The following AACS variants were observed in gnomAD, a reference collection of about 807,000 sequenced individuals.
AACS encodes acetoacetyl-CoA synthetase, also known as acetoacetate-CoA ligase.
A neutral mutation model predicts 83.1 loss-of-function variants in AACS; 69 were observed. The observed-to-expected ratio is 0.83, with a 90% CI of 0.68 to 1.01. The LOEUF is 1.01. Among genes scored for constraint, AACS ranks in the 50% least tolerant of loss-of-function variants. AACS has a pLI of 0.00. For missense variants in AACS, 866 were observed against 882.2 expected (o/e 0.98, Z 0.23); for synonymous variants, 333 against 343.4 (o/e 0.97, Z 0.33).
chr12:125,122,811 T>C (rs1362819311), intron 10 of AACS: 3 of 152,142 alleles, frequency 2.0e-5, no homozygotes, highest in Non-Finnish European at 2.9e-5. Flanking sequence ...AACAGGGCTC[T>C]GGGCAGTCTC....
At chr12:125,115,419 C>T (rs979594264) in intron 9 of AACS, among the ~76,000 whole-genome samples, 7 of 152,094 alleles carry the variant, frequency 4.6e-5, no homozygotes, top group Non-Finnish European at 1.0e-4. Context: ...CACCACCACG[C>T]CCAGCTAATT....
chr12:125,134,223 C>T, intron 15 of AACS, 151 bp downstream of exon 15: 5 of 817,666 alleles, frequency 6.1e-6, no homozygotes, highest in Non-Finnish European at 9.5e-6. Flanking sequence ...CCACCCACAC[C>T]TCTGCTGGTG....
In AACS at chr12:125,107,674, C is replaced by T. The variant is rs142834783; in HGVS notation, c.915+406C>T. Among the ~76,000 whole-genome samples the T allele has an allele frequency of 2.2e-4, 34 of 152,296 alleles. No homozygotes were observed. In the South Asian group the frequency reaches 6.4e-3, roughly 29 times the overall value. ...AATAGACAAGAATAGATAATATTAG[C>T]GCAGTGCCAGACGCAATGGCCCACA... On this transcript the variant is annotated intron_variant, in intron 8 of 17. Coordinates refer to ENST00000316519, the MANE Select transcript of AACS (RefSeq NM_023928.5).
intron 14 of AACS, among the ~76,000 whole-genome samples, chr12:125,133,196 G>A (rs1432451910): frequency 1.3e-5 from 2 of 152,214 alleles, no homozygotes; most frequent in East Asian, 1.9e-4. Flanking sequence ...GAGGCCCCCA[G>A]CTGGTTAACT....
Position 125,109,522 on chromosome 12 carries a change from C to T in AACS, c.915+2254C>T, listed in dbSNP as rs140306485. Among the ~76,000 whole-genome samples the T allele has an allele frequency of 3.9e-4, 60 of 152,308 alleles. 1 individual carries two copies. The East Asian group carries it at 0.01, about 26-fold the overall frequency. ...CTTTTTGTTGAACCAGTTGAGAGTACGTTGGAGCCACAATGATCTTTCACT... is the reference window on the plus strand; with the variant it reads ...CTTTTTGTTGAACCAGTTGAGAGTATGTTGGAGCCACAATGATCTTTCACT... On this transcript the variant is annotated intron_variant, in intron 8 of 17. Transcript: ENST00000316519.
Position 125,117,413 on chromosome 12 carries a change from CA to C in AACS, c.997-1214del, listed in dbSNP as rs1252793019. On this transcript the variant is annotated intron_variant, in intron 9 of 17. Transcript: ENST00000316519. Reference sequence around the variant, plus strand: ...TAGGTGACACAGTGAGACTCCGTCTCAAAAAAAAAAAAAATGTTTCTCCATA... The same window carrying C: ...TAGGTGACACAGTGAGACTCCGTCTCAAAAAAAAAAAAATGTTTCTCCATA... Among the ~76,000 whole-genome samples, 526 of 137,668 alleles carry C rather than the reference CA, an allele frequency of 3.8e-3. 1 individual carries two copies. The highest frequency in any genetic ancestry group is 7.3e-3 in the African/African-American group (277 of 37,822). 90.3% of individuals were successfully genotyped at this position (137,668 alleles called of 152,430 possible). A position where few individuals can be genotyped will look rare whatever the true frequency, so the allele number is the denominator to read the frequency against.
chr12:125,114,397 G>A (rs1957013070), intron 8 of AACS, 80 bp from the exon 9 acceptor site: 2 of 1,174,972 alleles, frequency 1.7e-6, no homozygotes, highest in Non-Finnish European at 2.5e-6. Context: ...CAGCGTCTGA[G>A]CAGCGCGTGG....
intron 10 of AACS, chr12:125,123,645 C>T (rs572531928): frequency 6.6e-6 from 1 of 152,420 alleles, no homozygotes; most frequent in East Asian, 1.9e-4. Context: ...TGGCTTCAGA[C>T]AGCGAATGCT....
At chr12:125,104,407 A>G (rs1028437147) in intron 7 of AACS, among the ~76,000 whole-genome samples, 1 of 152,190 alleles carries the variant, frequency 6.6e-6, no homozygotes, top group African/African-American at 2.4e-5. Context: ...GGGGCACCAC[A>G]AGGTACAAAT....
At chr12:125,134,186 C>A in intron 15 of AACS, 114 bp downstream of exon 15, 1 of 1,130,696 alleles carries the variant, frequency 8.8e-7, no homozygotes, top group Non-Finnish European at 1.3e-6. Context: ...GGGCACCTCA[C>A]TCCACTCCAG....
At chr12:125,089,454 G>C (rs1207230826) in intron 4 of AACS, among the ~76,000 whole-genome samples, 1 of 152,106 alleles carries the variant, frequency 6.6e-6, no homozygotes, top group African/African-American at 2.4e-5. Context: ...CTACTGTACA[G>C]GTCCTTTCCT....
chr12:125,142,492 G>T lies in AACS; in HGVS notation c.*263G>T. 2.0e-6 allele frequency: 1 copy of T among 492,408 alleles called. No individual in the cohort carries two copies. The allele number at this position is 492,408 out of a possible 1,614,324, so 30.5% of individuals were successfully genotyped here. On this transcript the variant is annotated 3_prime_UTR_variant, in exon 18 of 18. Coordinates refer to ENST00000316519, the MANE Select transcript of AACS (RefSeq NM_023928.5). ...CACTGTGGTGAGAGTGTGTGTCTTT[G>T]CACACACAGTGCAGCGGGAACGGTG...
intron 5 of AACS, chr12:125,101,744 A>C (rs1419946279): frequency 6.7e-6 from 1 of 149,412 alleles, no homozygotes. Context: ...TCTCAGATAT[A>C]AGTTGTGCTT....
Position 125,091,549 on chromosome 12 carries a change from G to T in AACS, c.570+26G>T, listed in dbSNP as rs777619419. 1.9e-6 allele frequency: 3 copies of T among 1,610,840 alleles called. 1 individual carries two copies. In the South Asian group the frequency reaches 3.3e-5, roughly 18 times the overall value. ...GTGAGTCAGGGTCTGTGACAGAGGG[G>T]GCACCCCTTGCCCTGTGAGCATCCT... On this transcript the variant is annotated intron_variant, in intron 5 of 17. Coordinates refer to ENST00000316519, the MANE Select transcript of AACS (RefSeq NM_023928.5).
chr12:125,079,548 AT>A (rs376702569), intron 3 of AACS, among the ~76,000 whole-genome samples: 49 of 148,464 alleles, frequency 3.3e-4, no homozygotes, highest in Non-Finnish European at 4.9e-4. Context: ...TGTCCGGCTA[AT>A]TTTTTTTTTT....
chr12:125,086,069 G>C (rs751393823), intron 3 of AACS, among the ~76,000 whole-genome samples: 10 of 152,216 alleles, frequency 6.6e-5, no homozygotes, highest in East Asian at 3.8e-4. Context: ...GAGATCACAG[G>C]CATGAGCCCC....
chr12:125,118,588 C>T (rs910533102), intron 9 of AACS, 53 bp from the exon 10 acceptor site: 5 of 1,605,892 alleles, frequency 3.1e-6, no homozygotes, highest in Non-Finnish European at 4.3e-6. Context: ...GGGGGCAGCG[C>T]TGGGGGGAGC....
At position 125,113,770 on chromosome 12, in the gene AACS, C is replaced by T. The variant is rs906006688; in HGVS notation, c.916-707C>T. Reference sequence around the variant, plus strand: ...CACAGGAAACTGCTAGGACCGGCTGCCTCTTGGGAGAACTGGGTACAGGAC... The same window carrying T: ...CACAGGAAACTGCTAGGACCGGCTGTCTCTTGGGAGAACTGGGTACAGGAC... On this transcript the variant is annotated intron_variant, in intron 8 of 17. Coordinates refer to ENST00000316519, the MANE Select transcript of AACS (RefSeq NM_023928.5). The surrounding 1 kb of genome is among the most constrained non-coding windows in gnomAD (Gnocchi z 4.8). 6.6e-6 allele frequency among the ~76,000 whole-genome samples: 1 copy of T among 152,156 alleles called. No individual in the cohort carries two copies.
At chr12:125,088,181 TTGAA>T (rs1555223027) in intron 4 of AACS, among the ~76,000 whole-genome samples, 2 of 152,048 alleles carry the variant, frequency 1.3e-5, no homozygotes, top group Non-Finnish European at 2.9e-5. Flanking sequence ...GAAGTGTTTA[TTGAA>T]TGAATGACTA....
Sources: allele counts gnomAD v4.1 joint callset (sites outside exome capture counted in the v4.1 genomes callset), GRCh38; gene constraint gnomAD v4.1.1; non-coding constraint Gnocchi (gnomAD v3.1); transcripts MANE v1.5; gene names NCBI Gene and HGNC (gene_info 2026-07-23, HGNC 2026-07-21).